C4orf36: variants seen among roughly 807,000 people sequenced by gnomAD.
The protein encoded by C4orf36 is chromosome 4 open reading frame 36.
C4orf36 carries 11 observed loss-of-function variants against 12.2 expected under a neutral mutation model. The observed-to-expected ratio is 0.90, with a 90% CI of 0.57 to 1.49. The LOEUF is 1.49. Among genes scored for constraint, C4orf36 ranks in the 40% most tolerant of loss-of-function variants. The pLI is 0.00. For missense variants in C4orf36, 137 were observed against 133.9 expected (o/e 1.02, Z -0.11); for synonymous variants, 54 against 51.3 (o/e 1.05, Z -0.22).
At chr4:86,931,362 G>A in the C4orf36 span, among the ~76,000 whole-genome samples, 21 of 151,948 alleles carry the variant, frequency 1.4e-4, no homozygotes, top group African/African-American at 4.6e-4. Flanking sequence ...CATCTACACC[G>A]CTTTCCCCGG....
At chr4:86,914,120 G>T in the C4orf36 span, 2 of 1,603,054 alleles carry the variant, frequency 1.2e-6, no homozygotes, top group East Asian at 4.5e-5. Context: ...CAGACTCAAA[G>T]TAACAAACAG....
chr4:86,914,765 T>C, the C4orf36 span: 1 of 444,382 alleles, frequency 2.3e-6, no homozygotes, highest in Non-Finnish European at 4.4e-6. Context: ...GTATGATCCC[T>C]GTTCCAGGCA....
rs1747266078 is a variant in C4orf36 at position 86,888,375 on chromosome 4, C to T, written c.66-100G>A. ...ATTCTCAGTTCCATTTGCCACTAGA[C>T]ATTTTGGTTTATGGGTGGAGGGGGA... is the stretch of plus-strand genomic sequence containing the variant. On this transcript the variant is annotated intron_variant, in intron 2 of 4. Transcript: ENST00000295898. The T allele has an allele frequency of 2.9e-5, 36 of 1,241,266 alleles. 1 individual carries two copies. The East Asian group carries it at 7.8e-4, about 27-fold the overall frequency. The allele number at this position is 1,241,266 out of a possible 1,614,324, so 76.9% of individuals were successfully genotyped here.
upstream of C4orf36, among the ~76,000 whole-genome samples, chr4:86,896,622 T>G (rs1578784144): frequency 6.6e-6 from 1 of 152,172 alleles, no homozygotes; most frequent in East Asian, 1.9e-4. Context: ...GCCCTTAAAT[T>G]TATGTCTTCC....
chr4:86,881,990 A>C (rs1452308591), intron 4 of C4orf36, among the ~76,000 whole-genome samples: 4 of 152,186 alleles, frequency 2.6e-5, no homozygotes, highest in African/African-American at 9.6e-5. Context: ...GAAAATTTTC[A>C]ATCAATGATC....
intron 1 of C4orf36, 99 bp from the exon 2 acceptor site, chr4:86,891,692 G>T: frequency 1.8e-6 from 2 of 1,132,942 alleles, no homozygotes; most frequent in Non-Finnish European, 2.4e-6. Flanking sequence ...TCCTTAATAA[G>T]TGTTCATTGA....
At chr4:86,877,153 T>G (rs62305638) in intron 4 of C4orf36, among the ~76,000 whole-genome samples, 3 of 152,126 alleles carry the variant, frequency 2.0e-5, no homozygotes, top group African/African-American at 7.2e-5. Flanking sequence ...AGCTGGAGAT[T>G]GTTAATTTTT....
chr4:86,928,747 G>C, the C4orf36 span, among the ~76,000 whole-genome samples: 2 of 152,074 alleles, frequency 1.3e-5, no homozygotes, highest in African/African-American at 2.4e-5. Flanking sequence ...ACATATTGAT[G>C]TCTTTTTAGT....
At chr4:86,931,010 A>G in the C4orf36 span, among the ~76,000 whole-genome samples, 6 of 152,204 alleles carry the variant, frequency 3.9e-5, no homozygotes, top group Admixed American at 2.0e-4. Flanking sequence ...CTTAGGGATT[A>G]TAATTGTAGC....
chr4:86,887,643 C>A (rs1312715803), intron 4 of C4orf36, 115 bp downstream of exon 4: 9 of 1,252,694 alleles, frequency 7.2e-6, no homozygotes, highest in Non-Finnish European at 9.9e-6. Context: ...GGGCAGTGGC[C>A]CATCCACCAG....
the C4orf36 span, among the ~76,000 whole-genome samples, chr4:86,931,192 T>C: frequency 6.6e-6 from 1 of 152,186 alleles, no homozygotes; most frequent in Admixed American, 6.5e-5. Context: ...TCCTATTTCA[T>C]ATCACTGCCC....
At chr4:86,887,207 A>G (rs947849608) in intron 4 of C4orf36, 2 of 152,182 alleles carry the variant, frequency 1.3e-5, no homozygotes, top group Non-Finnish European at 2.9e-5. Context: ...GCCCATGTAT[A>G]CATATGTAAC....
At chr4:86,905,940 T>G in the C4orf36 span, among the ~76,000 whole-genome samples, 1 of 152,104 alleles carries the variant, frequency 6.6e-6, no homozygotes, top group Non-Finnish European at 1.5e-5. Context: ...AGACTAGTCT[T>G]GAACTCCTGA....
At chr4:86,905,102 G>A in the C4orf36 span, among the ~76,000 whole-genome samples, 1 of 151,950 alleles carries the variant, frequency 6.6e-6, no homozygotes, top group Non-Finnish European at 1.5e-5. Flanking sequence ...GCTGGGCACA[G>A]TGGCTCATGC....
chr4:86,900,704 C>CT, the C4orf36 span, among the ~76,000 whole-genome samples: 3 of 21,126 alleles, frequency 1.4e-4, no homozygotes, highest in Non-Finnish European at 2.1e-3. Context: ...AGTAGAGAAG[C>CT]TGCCCGCCCA....
upstream of C4orf36, among the ~76,000 whole-genome samples, chr4:86,892,599 C>T (rs1470010094): frequency 6.6e-6 from 1 of 152,252 alleles, no homozygotes; most frequent in East Asian, 1.9e-4. Flanking sequence ...GGGCTGTAAG[C>T]CAGACCTTTC....
chr4:86,919,330 T>TCC, the C4orf36 span, among the ~76,000 whole-genome samples: 571 of 140,054 alleles, frequency 4.1e-3, 2 homozygotes, highest in Non-Finnish European at 7.5e-3. Context: ...TTTTTTTTTT[T>TCC]TTTTTTTTTT....
chr4:86,895,101 T>C (rs150741593), upstream of C4orf36, among the ~76,000 whole-genome samples: 158 of 152,172 alleles, frequency 1.0e-3, 1 homozygote, highest in African/African-American at 3.7e-3. Flanking sequence ...CACTTGAGCC[T>C]GGGAGTTCAA....
At chr4:86,935,061 G>A in the C4orf36 span, 3 of 151,982 alleles carry the variant, frequency 2.0e-5, no homozygotes, top group South Asian at 2.1e-4. Context: ...CTCGGCCGCC[G>A]CCTGCGCGCG....
Sources: allele counts gnomAD v4.1 joint callset (sites outside exome capture counted in the v4.1 genomes callset), GRCh38; gene constraint gnomAD v4.1.1; transcripts MANE v1.5; gene names NCBI Gene and HGNC (gene_info 2026-07-23, HGNC 2026-07-21).